LRRIQ3: variants seen among roughly 807,000 people sequenced by gnomAD.
The protein encoded by LRRIQ3 is leucine-rich repeat and IQ domain-containing protein 3.
Under a neutral mutation model 59.3 loss-of-function variants are expected in LRRIQ3, and 75 were observed. That is an observed-to-expected ratio of 1.26 (90% confidence interval 1.05 to 1.53). LRRIQ3 has a LOEUF of 1.53. LRRIQ3 is among the 40% of genes most tolerant of loss of function. The pLI is 0.00. For missense variants in LRRIQ3, 831 were observed against 710.0 expected, an observed-to-expected ratio of 1.17 and a Z score of -1.94; for synonymous variants, 250 against 231.3, an observed-to-expected ratio of 1.08 and a Z score of -0.73.
intron 5 of LRRIQ3, among the ~76,000 whole-genome samples, chr1:74,091,351 A>AAT (rs1166737357): frequency 1.3e-5 from 2 of 152,110 alleles, no homozygotes; most frequent in Non-Finnish European, 2.9e-5. Context: ...CTAAGGCCTA[A>AAT]AATTTTCACA....
At chr1:74,128,153 T>A (rs1570164912) in intron 4 of LRRIQ3, among the ~76,000 whole-genome samples, 1 of 152,054 alleles carries the variant, frequency 6.6e-6, no homozygotes, top group South Asian at 2.1e-4. Flanking sequence ...TTTTTCTTTA[T>A]CTTTGACTTT....
chr1:74,155,415 C>T (rs541661303), intron 4 of LRRIQ3, among the ~76,000 whole-genome samples: 8 of 152,160 alleles, frequency 5.3e-5, no homozygotes, highest in South Asian at 4.1e-4. Context: ...AAATTGTATT[C>T]GCATCTAAAT....
intron 7 of LRRIQ3, among the ~76,000 whole-genome samples, chr1:74,031,858 T>C (rs1653728927): frequency 6.6e-6 from 1 of 151,962 alleles, no homozygotes; most frequent in African/African-American, 2.4e-5. Context: ...AATTGGAAAA[T>C]AAAATCAAGT....
chr1:74,039,317 T>G (rs1653969401), intron 7 of LRRIQ3, among the ~76,000 whole-genome samples: 2 of 151,970 alleles, frequency 1.3e-5, no homozygotes, highest in Non-Finnish European at 2.9e-5. Flanking sequence ...CTGAGAAATA[T>G]GGGACTATGT....
At chr1:74,183,132 T>C (rs1650106826) in intron 2 of LRRIQ3, 1 of 316,056 alleles carries the variant, frequency 3.2e-6, no homozygotes, top group African/African-American at 2.2e-5. Context: ...AGGTTGACTC[T>C]TTAAACTTTT....
intron 6 of LRRIQ3, among the ~76,000 whole-genome samples, chr1:74,049,009 G>T (rs904341435): frequency 6.6e-6 from 1 of 152,088 alleles, no homozygotes; most frequent in Non-Finnish European, 1.5e-5. Flanking sequence ...AATTAGATTG[G>T]GTGGATAGGA....
chr1:74,055,386 A>G (rs1325527890), intron 6 of LRRIQ3, among the ~76,000 whole-genome samples: 3 of 151,966 alleles, frequency 2.0e-5, no homozygotes, highest in African/African-American at 7.2e-5. Context: ...TGACAACTAC[A>G]AACCTATTTT....
chr1:74,124,464 G>A (rs1018253294), intron 4 of LRRIQ3, among the ~76,000 whole-genome samples: 3 of 151,810 alleles, frequency 2.0e-5, no homozygotes, highest in Non-Finnish European at 4.4e-5. Context: ...TTTCCCCAAC[G>A]TTTTCTTATA....
At chr1:74,084,276 T>G in intron 5 of LRRIQ3, 4 of 1,479,992 alleles carry the variant, frequency 2.7e-6, no homozygotes, top group Non-Finnish European at 3.7e-6. Context: ...ACTCTTGAGG[T>G]GTACCATTAG....
intron 6 of LRRIQ3, among the ~76,000 whole-genome samples, chr1:74,047,452 G>C (rs1329284940): frequency 1.3e-5 from 2 of 152,050 alleles, no homozygotes; most frequent in Non-Finnish European, 2.9e-5. Context: ...GGGTGTGATG[G>C]GCTAGGGGAC....
intron 7 of LRRIQ3, among the ~76,000 whole-genome samples, chr1:74,031,996 T>C (rs558037215): frequency 1.3e-5 from 2 of 151,990 alleles, no homozygotes; most frequent in East Asian, 3.9e-4. Context: ...TCTAAATTAA[T>C]GGGGAGTTAT....
chr1:74,139,117 T>C (rs1018332836), intron 4 of LRRIQ3, among the ~76,000 whole-genome samples: 2 of 42,310 alleles, frequency 4.7e-5, no homozygotes, highest in African/African-American at 9.3e-5. Context: ...CATATATGTA[T>C]GTGTGTGTGT....
At chr1:74,108,299 G>C (rs1488455089) in intron 5 of LRRIQ3, among the ~76,000 whole-genome samples, 2 of 151,706 alleles carry the variant, frequency 1.3e-5, no homozygotes, top group Non-Finnish European at 2.9e-5. Flanking sequence ...TCTACACAGA[G>C]GGTCAAAACA....
chr1:74,149,348 T>C (rs1168615618), intron 4 of LRRIQ3, among the ~76,000 whole-genome samples: 2 of 152,316 alleles, frequency 1.3e-5, no homozygotes, highest in East Asian at 3.9e-4. Flanking sequence ...TGTTCAATTT[T>C]TTAATGTATG....
chr1:74,144,855 C>G (rs889493305), intron 4 of LRRIQ3, among the ~76,000 whole-genome samples: 1 of 151,900 alleles, frequency 6.6e-6, no homozygotes, highest in Non-Finnish European at 1.5e-5. Flanking sequence ...CACACACACA[C>G]ACACATTTTT....
At chr1:74,132,738 T>C (rs1384928076) in intron 4 of LRRIQ3, among the ~76,000 whole-genome samples, 1 of 152,164 alleles carries the variant, frequency 6.6e-6, no homozygotes, top group Non-Finnish European at 1.5e-5. Flanking sequence ...GACTTAAATG[T>C]TAGACCTAAA....
intron 4 of LRRIQ3, among the ~76,000 whole-genome samples, chr1:74,154,223 A>G (rs1648166906): frequency 8.1e-6 from 1 of 123,000 alleles, no homozygotes; most frequent in Non-Finnish European, 1.6e-5. Flanking sequence ...CCTGGGCGAC[A>G]GAGCGAGACT....
At chr1:74,083,506 G>A (rs183170471) in intron 5 of LRRIQ3, 1 of 151,776 alleles carries the variant, frequency 6.6e-6, no homozygotes, top group African/African-American at 2.4e-5. Context: ...GCAAGTGACT[G>A]TAAGTCTCTC....
chr1:74,110,998 G>A (rs571344510), intron 4 of LRRIQ3, among the ~76,000 whole-genome samples: 54 of 152,036 alleles, frequency 3.6e-4, no homozygotes, highest in African/African-American at 1.3e-3. Flanking sequence ...AACAATTTAA[G>A]CACATAAAAT....
Sources: allele counts gnomAD v4.1 joint callset (sites outside exome capture counted in the v4.1 genomes callset), GRCh38; gene constraint gnomAD v4.1.1; transcripts MANE v1.5; gene names NCBI Gene and HGNC (gene_info 2026-07-23, HGNC 2026-07-21).